C1orf198: variants seen among roughly 807,000 people sequenced by gnomAD.
C1orf198 encodes the protein uncharacterized protein C1orf198.
In C1orf198, 17 loss-of-function variants were observed where a neutral mutation model predicts 31.4. That is an observed-to-expected ratio of 0.54 (90% CI 0.37 to 0.81). The LOEUF (loss-of-function observed/expected upper bound fraction) is 0.81. Ranked by LOEUF, C1orf198 falls within the 40% of genes least tolerant of loss-of-function variation. The pLI is 0.00. For missense variants in C1orf198, 401 were observed against 450.3 expected (o/e 0.89, Z 0.99); for synonymous variants, 175 against 193.8 (o/e 0.90, Z 0.81).
intron 3 of C1orf198, among the ~76,000 whole-genome samples, chr1:230,841,645 G>A (rs1403622534): frequency 6.6e-6 from 1 of 152,224 alleles, no homozygotes; most frequent in East Asian, 1.9e-4. Context: ...AACAAGTGTT[G>A]CAAGGGAGTG....
chr1:230,843,758 T>C lies in C1orf198; in HGVS notation c.523A>G (p.Ser175Gly), dbSNP rs1285746317. 1.9e-6 allele frequency: 3 copies of C among 1,613,740 alleles called. No homozygotes were observed. Among genetic ancestry groups the C allele is most frequent in the Non-Finnish European group, 2.5e-6 (3 of 1,179,722 alleles). Residue 175 changes from serine to glycine, a missense_variant, in exon 3 of 4, where the codon AGC becomes GGC. Ser to Gly is a moderately conservative substitution (Grantham distance 56). Coordinates refer to ENST00000366663, the MANE Select transcript of C1orf198 (RefSeq NM_032800.3). This position sits in a 1 kb window ranked among gnomAD's most constrained non-coding sequence, Gnocchi z 4.9. The part of the protein sequence containing the change: ...LKSSQGSRSS[S>G]LDALGPTRKE... ...CTGGTGGGGCCCAGGGCGTCCAGGC[T>C]GGAGGACCTGCTGCCTTGGGAGGAC...
rs967740979 is a variant in C1orf198, at chr1:230,855,974, C to A, written c.334-256G>T. 8 of 1,289,564 alleles carry A rather than the reference C, an allele frequency of 6.2e-6. No homozygotes were observed. The East Asian group carries it at 2.1e-4, about 34-fold the overall frequency. The allele number at this position is 1,289,564 out of a possible 1,614,324, so 79.9% of individuals were successfully genotyped here. ...CAACAGGGAATGCCGGTGAGGCCCCCCAATGGACTCAGACAGATGAGATGA... is the reference window on the plus strand; with the variant it reads ...CAACAGGGAATGCCGGTGAGGCCCCACAATGGACTCAGACAGATGAGATGA... On this transcript the variant is annotated intron_variant, in intron 1 of 3. Transcript: ENST00000366663.
intron 2 of C1orf198, among the ~76,000 whole-genome samples, chr1:230,851,297 G>C (rs1301745941): frequency 1.3e-5 from 2 of 152,132 alleles, no homozygotes; most frequent in Non-Finnish European, 2.9e-5. Flanking sequence ...AGACAGCTTG[G>C]GGGAGGGGCA....
rs1272214814 is a variant in C1orf198 at position 230,855,681 on chromosome 1, G to A, written c.371C>T (p.Ser124Phe). Residue 124 changes from serine (S) to phenylalanine (F), a missense_variant, in exon 2 of 4, where the codon TCC becomes TTC. Ser to Phe is a radical substitution (Grantham distance 155). Coordinates refer to ENST00000366663, the MANE Select transcript of C1orf198 (RefSeq NM_032800.3). ...AATCCAACTTACCTTTGTTTCCCAG[G>A]AGAAAGGGGCAGAGTGCTCATCTTG... The part of the protein sequence containing the change: ...TWQDEHSAPF[S>F]WETKSQMEFS... The A allele has an allele frequency of 2.5e-6, 4 of 1,612,524 alleles. No homozygotes were observed. The Admixed American group carries it at 5.0e-5, about 20-fold the overall frequency.
chr1:230,855,218 C>T (rs995118610), intron 2 of C1orf198, among the ~76,000 whole-genome samples: 9 of 152,194 alleles, frequency 5.9e-5, no homozygotes, highest in African/African-American at 1.7e-4. Flanking sequence ...TAGTGATCCA[C>T]GTTGGGATGA....
chr1:230,841,060 G>T (rs560893077), intron 3 of C1orf198, among the ~76,000 whole-genome samples: 1 of 152,220 alleles, frequency 6.6e-6, no homozygotes, highest in Non-Finnish European at 1.5e-5. Context: ...CCTATTTTAT[G>T]GAAATACTTC....
At chr1:230,849,285 G>A (rs1295516824) in intron 2 of C1orf198, among the ~76,000 whole-genome samples, 1 of 152,232 alleles carries the variant, frequency 6.6e-6, no homozygotes, top group Non-Finnish European at 1.5e-5. Context: ...AGCCAGGGCT[G>A]GCGGGAGGAT....
upstream of C1orf198, chr1:230,869,362 A>C (rs1670206462): frequency 6.6e-6 from 1 of 152,238 alleles, no homozygotes; most frequent in South Asian, 2.1e-4. Flanking sequence ...CCCAACAGGT[A>C]GGGGGCCAGG....
At chr1:230,841,176 A>C (rs1234150764) in intron 3 of C1orf198, among the ~76,000 whole-genome samples, 4 of 152,208 alleles carry the variant, frequency 2.6e-5, no homozygotes, top group Admixed American at 2.6e-4. Flanking sequence ...GGAGGATGTG[A>C]GACAGAAAAC....
intron 1 of C1orf198, among the ~76,000 whole-genome samples, chr1:230,860,407 C>T (rs1037471362): frequency 6.6e-5 from 10 of 152,106 alleles, no homozygotes; most frequent in East Asian, 1.9e-4. Context: ...CCTTATACCC[C>T]GATGTTTATA....
Position 230,857,729 on chromosome 1 carries a change from GA to G in C1orf198, c.334-2012del, listed in dbSNP as rs1451785582. 6.6e-6 allele frequency among the ~76,000 whole-genome samples: 1 copy of G among 151,462 alleles called. No homozygotes were observed. The highest frequency in any genetic ancestry group is 1.5e-5 in the Non-Finnish European group (1 of 67,876). On this transcript the variant is annotated intron_variant, in intron 1 of 3. Coordinates refer to ENST00000366663, the MANE Select transcript of C1orf198 (RefSeq NM_032800.3). The surrounding 1 kb of genome is among the most constrained non-coding windows in gnomAD (Gnocchi z 4.2). The stretch of plus-strand genomic sequence containing the variant: ...AAAGGACTAAATATATTTATATCAG[GA>G]AAAAAAACACCACTAACAAAGATAC...
intron 3 of C1orf198, among the ~76,000 whole-genome samples, chr1:230,842,249 C>T (rs1669461263): frequency 6.6e-6 from 1 of 152,072 alleles, no homozygotes; most frequent in South Asian, 2.1e-4. Context: ...ACTGAAATGC[C>T]ACCAAATTTA....
At chr1:230,846,920 G>A (rs536733959) in intron 2 of C1orf198, among the ~76,000 whole-genome samples, 2 of 151,926 alleles carry the variant, frequency 1.3e-5, no homozygotes, top group East Asian at 1.9e-4. Context: ...CGGCTAAAAC[G>A]GTGAAACCCC....
At chr1:230,848,884 G>A (rs1669659874) in intron 2 of C1orf198, among the ~76,000 whole-genome samples, 1 of 152,146 alleles carries the variant, frequency 6.6e-6, no homozygotes, top group Non-Finnish European at 1.5e-5. Context: ...CTCTAGCAGG[G>A]CCAGGTGGGG....
chr1:230,837,455 G>A lies in C1orf198; in HGVS notation c.*2397C>T, dbSNP rs1669331865. ...TCCCAGGTGCAGAGACTGGGGGGAG[G>A]TGGAGAATCCAAAATCATGCTCAGG... On this transcript the variant is annotated 3_prime_UTR_variant, in exon 4 of 4. Coordinates refer to ENST00000366663, the MANE Select transcript of C1orf198 (RefSeq NM_032800.3). 1 of 152,226 alleles carries A rather than the reference G, an allele frequency of 6.6e-6. No individual in the cohort carries two copies. The highest frequency in any genetic ancestry group is 2.4e-5 in the African/African-American group (1 of 41,448). 9.4% of individuals were successfully genotyped at this position (152,226 alleles called of 1,614,324 possible). A position where few individuals can be genotyped will look rare whatever the true frequency, so the allele number is the denominator to read the frequency against.
At chr1:230,867,219 T>G (rs1377514112) in intron 1 of C1orf198, among the ~76,000 whole-genome samples, 1 of 152,232 alleles carries the variant, frequency 6.6e-6, no homozygotes, top group African/African-American at 2.4e-5. Flanking sequence ...AAGTTGAGTT[T>G]GAAACGCCAA....
chr1:230,851,617 T>C (rs961641140), intron 2 of C1orf198, among the ~76,000 whole-genome samples: 1 of 152,094 alleles, frequency 6.6e-6, no homozygotes, highest in Non-Finnish European at 1.5e-5. Context: ...GCCAAGCTGA[T>C]AGATGAGTGG....
intron 1 of C1orf198, 69 bp downstream of exon 1, chr1:230,868,111 T>C: frequency 7.7e-7 from 1 of 1,301,872 alleles, no homozygotes; most frequent in East Asian, 3.2e-5. Flanking sequence ...CGCCGGCAGG[T>C]GCCCACCGGG....
intron 1 of C1orf198, among the ~76,000 whole-genome samples, chr1:230,864,315 G>A (rs1336985552): frequency 6.6e-6 from 1 of 152,178 alleles, no homozygotes; most frequent in Non-Finnish European, 1.5e-5. Context: ...GACACAGAGC[G>A]GGTGTAGCAG....
Sources: allele counts gnomAD v4.1 joint callset (sites outside exome capture counted in the v4.1 genomes callset), GRCh38; gene constraint gnomAD v4.1.1; non-coding constraint Gnocchi (gnomAD v3.1); transcripts MANE v1.5; gene names NCBI Gene and HGNC (gene_info 2026-07-23, HGNC 2026-07-21).